Variants in FTO observed in about 807,000 individuals in gnomAD.
The protein encoded by FTO is alpha-ketoglutarate-dependent dioxygenase FTO.
A neutral mutation model predicts 63.9 loss-of-function variants in FTO; 47 were observed. The observed-to-expected ratio is 0.74, with a 90% confidence interval of 0.58 to 0.94. FTO has a LOEUF of 0.94. FTO is among the 40% of genes least tolerant of loss of function. The pLI is 0.00. For synonymous variants in FTO, 207 were observed against 224.4 expected, an observed-to-expected ratio of 0.92 and a Z score of 0.69; for missense variants, 562 against 618.1, an observed-to-expected ratio of 0.91 and a Z score of 0.96.
At position 54,003,437 on chromosome 16, in the gene FTO, T is replaced by C. The variant is rs75603080; in HGVS notation, c.1364+69328T>C. ...TATTTGATTATTCTTTAAGCACATA[T>C]AGAAAGATGAGGTTTATGTTGATTT... On this transcript the variant is annotated intron_variant, in intron 8 of 8. Transcript: ENST00000471389. Among the ~76,000 whole-genome samples, 26 of 152,390 alleles carry C rather than the reference T, an allele frequency of 1.7e-4. No individual in the cohort carries two copies. The East Asian group carries it at 4.8e-3, about 28-fold the overall frequency.
At chr16:54,102,105 C>A (rs2086653607) in intron 8 of FTO, among the ~76,000 whole-genome samples, 1 of 152,152 alleles carries the variant, frequency 6.6e-6, no homozygotes, top group Admixed American at 6.6e-5. Flanking sequence ...TCCCATTCTG[C>A]AGGTCATCTG....
At chr16:53,767,584 A>T (rs1208625015) in intron 1 of FTO, among the ~76,000 whole-genome samples, 1 of 150,502 alleles carries the variant, frequency 6.6e-6, no homozygotes, top group African/African-American at 2.4e-5. Flanking sequence ...GGCTTTATGA[A>T]TTTTTTTTTT....
intron 8 of FTO, among the ~76,000 whole-genome samples, chr16:54,048,752 T>TATTC (rs2085244404): frequency 6.6e-6 from 1 of 152,232 alleles, no homozygotes; most frequent in African/African-American, 2.4e-5. Context: ...GCCTGATAAG[T>TATTC]ATTCCATGCA....
chr16:54,082,797 C>T (rs1348232122), intron 8 of FTO, among the ~76,000 whole-genome samples: 15 of 152,144 alleles, frequency 9.9e-5, no homozygotes, highest in Admixed American at 9.8e-4. Context: ...TGCAACTGAC[C>T]CGCCATGCTG....
At position 54,114,274 on chromosome 16, in the gene FTO, C is replaced by G. The variant is rs1195954731; in HGVS notation, c.*2359C>G. 1.3e-5 allele frequency: 2 copies of G among 152,166 alleles called. No individual in the cohort carries two copies. The highest frequency in any genetic ancestry group is 4.8e-5 in the African/African-American group (2 of 41,436). The allele number at this position is 152,166 out of a possible 1,614,324, so 9.4% of individuals were successfully genotyped here. The stretch of plus-strand genomic sequence containing the variant: ...GTTTTTTCATTAATTGTGAACCTGA[C>G]CTGCATCACCCTTTCATGTCAGTGC... On this transcript the variant is annotated 3_prime_UTR_variant, in exon 9 of 9. Coordinates refer to ENST00000471389, the MANE Select transcript of FTO (RefSeq NM_001080432.3).
intron 1 of FTO, among the ~76,000 whole-genome samples, chr16:53,801,222 A>T (rs1481965647): frequency 2.1e-5 from 3 of 145,084 alleles, no homozygotes. Flanking sequence ...TTGTTGGCTT[A>T]TTACTTGTAA....
chr16:53,713,813 T>C (rs772431577), intron 1 of FTO, among the ~76,000 whole-genome samples: 2 of 152,206 alleles, frequency 1.3e-5, no homozygotes, highest in Non-Finnish European at 2.9e-5. Flanking sequence ...TACAATGTTG[T>C]ATAGCAGATC....
intron 4 of FTO, among the ~76,000 whole-genome samples, chr16:53,867,824 G>T (rs2080371667): frequency 6.6e-6 from 1 of 152,078 alleles, no homozygotes. Flanking sequence ...TAGTGGATTT[G>T]TCTGTTTTTC....
rs202160820 is a variant in FTO at position 53,903,954 on chromosome 16, T to TG, written c.1239+15004dup. Reference sequence around the variant, plus strand: ...TATATATACTATCTATATGTATGTATGTAGAGTTTATATACATATATAAAT... The same window carrying TG: ...TATATATACTATCTATATGTATGTATGGTAGAGTTTATATACATATATAAAT... On this transcript the variant is annotated intron_variant, in intron 7 of 8. Coordinates refer to ENST00000471389, the MANE Select transcript of FTO (RefSeq NM_001080432.3). Among the ~76,000 whole-genome samples the TG allele has an allele frequency of 7.0e-3, 1,061 of 152,038 alleles. 11 individuals are homozygous for TG. The highest frequency in any genetic ancestry group is 0.024 in the African/African-American group (995 of 41,478).
intron 1 of FTO, among the ~76,000 whole-genome samples, chr16:53,807,653 C>T (rs1333889057): frequency 1.3e-5 from 2 of 152,140 alleles, no homozygotes; most frequent in Non-Finnish European, 2.9e-5. Flanking sequence ...AAGGTGGAGA[C>T]ATTTCAAGGT....
chr16:53,885,043 C>T (rs533913883), intron 6 of FTO, among the ~76,000 whole-genome samples: 1 of 152,314 alleles, frequency 6.6e-6, no homozygotes, highest in Non-Finnish European at 1.5e-5. Context: ...AGACCCAACT[C>T]CTGTCATGGT....
In FTO at chr16:53,954,541, G is replaced by A. The variant is rs567853250; in HGVS notation, c.1364+20432G>A. ...AAGTCAAAGAGAAAAGAAGGTCAAA[G>A]GGAAGTGGCTGACATAAAACTTAGG... On this transcript the variant is annotated intron_variant, in intron 8 of 8. Coordinates refer to ENST00000471389, the MANE Select transcript of FTO (RefSeq NM_001080432.3). Among the ~76,000 whole-genome samples the A allele has an allele frequency of 2.0e-5, 3 of 152,282 alleles. No individual in the cohort carries two copies. The East Asian group carries it at 5.8e-4, about 29-fold the overall frequency.
chr16:53,969,802 A>G (rs1342298728), intron 8 of FTO, among the ~76,000 whole-genome samples: 1 of 152,192 alleles, frequency 6.6e-6, no homozygotes, highest in African/African-American at 2.4e-5. Flanking sequence ...CTCGCCCGTA[A>G]CCTGCTCTAT....
intron 8 of FTO, chr16:54,072,302 A>G (rs1444524142): frequency 1.3e-5 from 2 of 152,082 alleles, no homozygotes; most frequent in African/African-American, 4.8e-5. Flanking sequence ...ACTGCAGTGG[A>G]TCATGTACTT....
chr16:54,001,909 A>G (rs1464622356), intron 8 of FTO, among the ~76,000 whole-genome samples: 1 of 152,212 alleles, frequency 6.6e-6, no homozygotes, highest in African/African-American at 2.4e-5. Context: ...CGTGCAAGCC[A>G]CCAGCCTCTC....
intron 8 of FTO, among the ~76,000 whole-genome samples, chr16:54,029,109 C>T (rs1204784381): frequency 2.0e-5 from 3 of 152,122 alleles, no homozygotes; most frequent in Non-Finnish European, 2.9e-5. Flanking sequence ...CCAGAAAGAT[C>T]GTACTTTCTC....
rs1324017550 is a variant in FTO, at chr16:54,121,455, G to C, written c.*9540G>C. 1 of 152,208 alleles carries C rather than the reference G, an allele frequency of 6.6e-6. No homozygotes were observed. The highest frequency in any genetic ancestry group is 2.4e-5 in the African/African-American group (1 of 41,434). 9.4% of individuals were successfully genotyped at this position (152,208 alleles called of 1,614,324 possible). ...CCTAAGGCTATTTCTGAACTAAAGAGGCCTGAATAAGGTAGTGAAAGGACC... is the reference window on the plus strand; with the variant it reads ...CCTAAGGCTATTTCTGAACTAAAGACGCCTGAATAAGGTAGTGAAAGGACC... On this transcript the variant is annotated 3_prime_UTR_variant, in exon 9 of 9. Coordinates refer to ENST00000471389, the MANE Select transcript of FTO (RefSeq NM_001080432.3).
chr16:54,102,047 A>C (rs2086652595), intron 8 of FTO, among the ~76,000 whole-genome samples: 1 of 152,092 alleles, frequency 6.6e-6, no homozygotes, highest in Non-Finnish European at 1.5e-5. Flanking sequence ...TTCTTTATAG[A>C]TGCTGGATAT....
chr16:53,970,155 A>T (rs775287823), intron 8 of FTO, among the ~76,000 whole-genome samples: 1 of 152,196 alleles, frequency 6.6e-6, no homozygotes, highest in Non-Finnish European at 1.5e-5. Context: ...AAACCAAACT[A>T]AAGCTCAAGT....
Sources: gnomAD v4.1 joint callset for allele counts (sites outside exome capture counted in the v4.1 genomes callset) on GRCh38, gnomAD v4.1.1 for gene constraint, MANE v1.5 for transcripts, NCBI Gene and HGNC (gene_info 2026-07-23, HGNC 2026-07-21) for gene names.